Variants in PTPRD observed in about 807,000 individuals in gnomAD.
PTPRD encodes the protein protein tyrosine phosphatase receptor type D.
In PTPRD, 34 loss-of-function variants were observed where a neutral mutation model predicts 214.5. The observed-to-expected ratio is 0.16, with a 90% confidence interval of 0.12 to 0.21. The LOEUF is 0.21. Ranked by LOEUF, PTPRD falls within the 10% of genes least tolerant of loss-of-function variation. PTPRD has a pLI of 1.00. For missense variants in PTPRD, 2,545 were observed against 2,398.7 expected (o/e 1.06, Z -1.27); for synonymous variants, 1,128 against 845.7 (o/e 1.33, Z -5.79).
chr9:9,390,407 G>T (rs1209255791), intron 9 of PTPRD, among the ~76,000 whole-genome samples: 1 of 151,946 alleles, frequency 6.6e-6, no homozygotes, highest in Non-Finnish European at 1.5e-5. Flanking sequence ...AAATTCCTGG[G>T]CTCCATGAAA....
chr9:8,884,861 A>G (rs1041934032), intron 11 of PTPRD, among the ~76,000 whole-genome samples: 11 of 152,206 alleles, frequency 7.2e-5, no homozygotes, highest in African/African-American at 2.4e-4. Context: ...TGCTGTGGGC[A>G]CTGGAGGTTA....
intron 5 of PTPRD, among the ~76,000 whole-genome samples, chr9:9,807,993 G>A (rs976970687): frequency 6.6e-5 from 10 of 152,166 alleles, no homozygotes; most frequent in African/African-American, 2.4e-4. Flanking sequence ...TTAAATGAGT[G>A]CTGATGGTGA....
chr9:8,736,548 A>G (rs913444216), intron 11 of PTPRD, among the ~76,000 whole-genome samples: 2 of 152,224 alleles, frequency 1.3e-5, no homozygotes, highest in Non-Finnish European at 2.9e-5. Flanking sequence ...TGCAGATACC[A>G]TAGTATGTCA....
At chr9:9,779,475 G>C (rs139763598) in intron 5 of PTPRD, among the ~76,000 whole-genome samples, 2 of 152,044 alleles carry the variant, frequency 1.3e-5, no homozygotes, top group African/African-American at 4.8e-5. Context: ...TCTAATATCC[G>C]GAATGTATAA....
chr9:9,404,682 A>G (rs568051618), intron 8 of PTPRD, among the ~76,000 whole-genome samples: 2 of 152,188 alleles, frequency 1.3e-5, no homozygotes, highest in East Asian at 1.9e-4. Flanking sequence ...GCGGAAACCT[A>G]TAGTTCAGTG....
chr9:9,059,037 G>A (rs1590773846), intron 10 of PTPRD, among the ~76,000 whole-genome samples: 1 of 152,214 alleles, frequency 6.6e-6, no homozygotes, highest in East Asian at 1.9e-4. Flanking sequence ...CTTATACTTA[G>A]GGAGAAGAGA....
chr9:8,342,102 T>G, intron 39 of PTPRD, 124 bp from the exon 40 acceptor site: 3 of 1,000,574 alleles, frequency 3.0e-6, no homozygotes, highest in Non-Finnish European at 2.8e-6. Context: ...AAATAGCTAT[T>G]GGGATGACTT....
intron 4 of PTPRD, among the ~76,000 whole-genome samples, chr9:9,986,881 A>G (rs2095730993): frequency 1.6e-5 from 2 of 122,426 alleles, no homozygotes; most frequent in Non-Finnish European, 1.8e-5. Flanking sequence ...ATATGTTAAT[A>G]GTGTAGATTT....
At chr9:10,163,318 T>G (rs368222766) in intron 3 of PTPRD, among the ~76,000 whole-genome samples, 1 of 151,370 alleles carries the variant, frequency 6.6e-6, no homozygotes, top group Admixed American at 6.6e-5. Context: ...TCTTTGAAAA[T>G]GTACCACATA....
chr9:8,625,908 T>C (rs1200183612), intron 14 of PTPRD, among the ~76,000 whole-genome samples: 2 of 151,396 alleles, frequency 1.3e-5, no homozygotes, highest in Non-Finnish European at 3.0e-5. Context: ...TAACAAAACA[T>C]ATTAAGAATA....
intron 12 of PTPRD, among the ~76,000 whole-genome samples, chr9:8,718,645 G>A (rs1041879711): frequency 2.0e-5 from 3 of 151,992 alleles, no homozygotes; most frequent in African/African-American, 4.8e-5. Context: ...TAATTAGTCC[G>A]CCTTCTCTAT....
intron 11 of PTPRD, among the ~76,000 whole-genome samples, chr9:8,936,440 A>AAAAAAAAAAAAAAAAAAAAG (rs2098998174): frequency 6.7e-6 from 1 of 149,958 alleles, no homozygotes; most frequent in Non-Finnish European, 1.5e-5. Context: ...AAAAAAAAAA[A>AAAAAAAAAAAAAAAAAAAAG]AAAAAAAAAA....
intron 7 of PTPRD, among the ~76,000 whole-genome samples, chr9:9,636,699 A>C (rs2095782521): frequency 6.6e-6 from 1 of 152,246 alleles, no homozygotes; most frequent in African/African-American, 2.4e-5. Flanking sequence ...CAACAACAAA[A>C]GTGGCAGAAT....
intron 7 of PTPRD, among the ~76,000 whole-genome samples, chr9:9,684,944 A>C (rs1014165787): frequency 2.6e-5 from 4 of 151,600 alleles, no homozygotes; most frequent in African/African-American, 9.7e-5. Context: ...ATAAGAATAG[A>C]TTATACATCA....
Position 10,461,136 on chromosome 9 carries a change from G to T in PTPRD, c.-599-120119C>A, listed in dbSNP as rs139129686. ...ACATAAAAATGTCTAACAAGGACAT[G>T]AAAAAGTGCTCAACACCACTAATTC... is the stretch of plus-strand genomic sequence containing the variant. On this transcript the variant is annotated intron_variant, in intron 2 of 45. Transcript: ENST00000381196. 1.1e-4 allele frequency among the ~76,000 whole-genome samples: 17 copies of T among 151,906 alleles called. No homozygotes were observed. The East Asian group carries it at 2.9e-3, about 26-fold the overall frequency.
At chr9:9,294,141 A>G (rs1204670884) in intron 9 of PTPRD, among the ~76,000 whole-genome samples, 2 of 151,634 alleles carry the variant, frequency 1.3e-5, no homozygotes, top group African/African-American at 4.8e-5. Flanking sequence ...ACATCCTGGG[A>G]GGGATGACAT....
intron 8 of PTPRD, among the ~76,000 whole-genome samples, chr9:9,413,855 G>A (rs78737526): frequency 1.3e-5 from 2 of 152,258 alleles, no homozygotes; most frequent in East Asian, 3.9e-4. Flanking sequence ...TAAATGACAG[G>A]TGGTATTATA....
chr9:8,620,417 T>C (rs1412513101), intron 14 of PTPRD, among the ~76,000 whole-genome samples: 1 of 152,054 alleles, frequency 6.6e-6, no homozygotes, highest in Non-Finnish European at 1.5e-5. Flanking sequence ...TTTTAGTAAA[T>C]AATGCCACTA....
At chr9:9,828,822 G>T (rs748349747) in intron 5 of PTPRD, among the ~76,000 whole-genome samples, 1 of 151,488 alleles carries the variant, frequency 6.6e-6, no homozygotes, top group Non-Finnish European at 1.5e-5. Flanking sequence ...GTAATTAAAA[G>T]CATTTCATGC....
Sources: allele counts gnomAD v4.1 joint callset (sites outside exome capture counted in the v4.1 genomes callset), GRCh38; gene constraint gnomAD v4.1.1; transcripts MANE v1.5; gene names NCBI Gene and HGNC (gene_info 2026-07-23, HGNC 2026-07-21).